The following FAM163A variants were observed in gnomAD, a reference collection of about 807,000 sequenced individuals.
FAM163A encodes protein FAM163A.
Under a neutral mutation model 12.0 loss-of-function variants are expected in FAM163A, and 7 were observed. The observed-to-expected ratio is 0.58, with a 90% CI of 0.33 to 1.10. The LOEUF (loss-of-function observed/expected upper bound fraction) is 1.10. Among genes scored for constraint, FAM163A ranks in the 50% least tolerant of loss-of-function variants. FAM163A has a pLI of 0.03. For synonymous variants in FAM163A, 101 were observed against 91.0 expected (o/e 1.11, Z -0.62); for missense variants, 202 against 218.6 (o/e 0.92, Z 0.48).
intron 1 of FAM163A, among the ~76,000 whole-genome samples, chr1:179,802,781 T>C (rs1373829906): frequency 6.6e-6 from 1 of 152,188 alleles, no homozygotes; most frequent in African/African-American, 2.4e-5. Context: ...TGATAGCTCA[T>C]TGTGGCTTCA....
At chr1:179,730,329 C>G in the FAM163A span, 1 of 152,186 alleles carries the variant, frequency 6.6e-6, no homozygotes, top group East Asian at 1.9e-4. Flanking sequence ...CGATCCCCAC[C>G]CAAGGAAGCA....
chr1:179,745,441 C>T (rs1181515218), intron 1 of FAM163A, among the ~76,000 whole-genome samples: 3 of 152,136 alleles, frequency 2.0e-5, no homozygotes, highest in African/African-American at 7.2e-5. Context: ...GAGCCTGGCC[C>T]CAGCACAGTC....
chr1:179,783,854 T>A (rs1381607754), intron 1 of FAM163A, among the ~76,000 whole-genome samples: 3 of 143,196 alleles, frequency 2.1e-5, no homozygotes, highest in Non-Finnish European at 4.5e-5. Flanking sequence ...TAATTTTATA[T>A]AAATTTATAT....
chr1:179,790,522 G>C (rs1291986788), intron 1 of FAM163A, among the ~76,000 whole-genome samples: 2 of 152,092 alleles, frequency 1.3e-5, no homozygotes, highest in East Asian at 1.9e-4. Context: ...GCAGATACAG[G>C]CTGGATAAAC....
the FAM163A span, among the ~76,000 whole-genome samples, chr1:179,735,495 C>CTTCTTT: frequency 1.6e-5 from 1 of 62,136 alleles, no homozygotes; most frequent in Admixed American, 2.3e-4. Context: ...GAGTTACATT[C>CTTCTTT]TTTTTTTTTT....
rs139338752 is a variant in FAM163A at position 179,796,334 on chromosome 1, T to G, written c.-135-11464T>G. Among the ~76,000 whole-genome samples, 3 of 152,266 alleles carry G rather than the reference T, an allele frequency of 2.0e-5. No individual in the cohort carries two copies. The East Asian group carries it at 5.8e-4, about 29-fold the overall frequency. On this transcript the variant is annotated intron_variant, in intron 1 of 4. Coordinates refer to ENST00000341785, the MANE Select transcript of FAM163A (RefSeq NM_173509.3). ...TACAACTCACAAAAGAAAAAAAAAG[T>G]TACCCTGTGGGCTCCATCTCTTCAA...
intron 1 of FAM163A, among the ~76,000 whole-genome samples, chr1:179,744,942 G>A (rs1684254530): frequency 6.6e-6 from 1 of 152,238 alleles, no homozygotes; most frequent in Non-Finnish European, 1.5e-5. Flanking sequence ...TGGAGTCTGT[G>A]TCCTGAGGGG....
rs1345141303 is a variant in FAM163A at position 179,783,731 on chromosome 1, T to C, written c.-135-24067T>C. Among the ~76,000 whole-genome samples, 4 of 95,356 alleles carry C rather than the reference T, an allele frequency of 4.2e-5. 1 individual carries two copies. Among genetic ancestry groups the C allele is most frequent in the Non-Finnish European group, 8.3e-5 (4 of 47,918 alleles). The allele number at this position is 95,356 out of a possible 152,430, so 62.6% of individuals were successfully genotyped here. A position where few individuals can be genotyped will look rare whatever the true frequency, so the allele number is the denominator to read the frequency against. On this transcript the variant is annotated intron_variant, in intron 1 of 4. Coordinates refer to ENST00000341785, the MANE Select transcript of FAM163A (RefSeq NM_173509.3). ...TTTTTTATACTTCCCAAATTTTATA[T>C]AATTGAGCCCAAATATTATATATAT... is the stretch of plus-strand genomic sequence containing the variant.
upstream of FAM163A, among the ~76,000 whole-genome samples, chr1:179,740,269 C>A (rs1683478628): frequency 6.6e-6 from 1 of 152,148 alleles, no homozygotes; most frequent in African/African-American, 2.4e-5. Context: ...GCCTCCAACT[C>A]CTGGGTTCAA....
intron 1 of FAM163A, among the ~76,000 whole-genome samples, chr1:179,784,201 C>T (rs1262428285): frequency 8.5e-5 from 13 of 152,196 alleles, no homozygotes; most frequent in Admixed American, 7.2e-4. Flanking sequence ...CTTGGGCCTT[C>T]CAGAACCTCC....
chr1:179,780,684 C>G (rs1468228405), intron 1 of FAM163A, among the ~76,000 whole-genome samples: 1 of 152,176 alleles, frequency 6.6e-6, no homozygotes, highest in South Asian at 2.1e-4. Context: ...TTGATACTTG[C>G]TAAAGTTTGT....
At chr1:179,780,628 T>C (rs1689589450) in intron 1 of FAM163A, among the ~76,000 whole-genome samples, 1 of 152,140 alleles carries the variant, frequency 6.6e-6, no homozygotes, top group Admixed American at 6.5e-5. Context: ...ATCAGAAACT[T>C]GGGTGGGGCC....
chr1:179,732,011 A>G, the FAM163A span, among the ~76,000 whole-genome samples: 2 of 152,218 alleles, frequency 1.3e-5, no homozygotes, highest in Non-Finnish European at 2.9e-5. Context: ...AACCCACAGA[A>G]GGTCGCAACC....
Position 179,814,489 on chromosome 1 carries a change from G to A in FAM163A, c.*300G>A. ...CAGCACCACCACAACCCCTTGCAGTGTGCCCCAGTCCCCTGGATTCGCTGG... is the reference window on the plus strand; with the variant it reads ...CAGCACCACCACAACCCCTTGCAGTATGCCCCAGTCCCCTGGATTCGCTGG... On this transcript the variant is annotated 3_prime_UTR_variant, in exon 5 of 5. Coordinates refer to ENST00000341785, the MANE Select transcript of FAM163A (RefSeq NM_173509.3). 2.8e-6 allele frequency: 1 copy of A among 363,040 alleles called. No individual in the cohort carries two copies. 22.5% of individuals were successfully genotyped at this position (363,040 alleles called of 1,614,324 possible). A position where few individuals can be genotyped will look rare whatever the true frequency, so the allele number is the denominator to read the frequency against.
Position 179,768,453 on chromosome 1 carries a change from G to T in FAM163A, c.-136+25030G>T, listed in dbSNP as rs149730883. ...TCTGGCAACAGCATTTAGGGGCTCT[G>T]GTCTAACATGGTGTTAGTGAAAATA... On this transcript the variant is annotated intron_variant, in intron 1 of 4. Transcript: ENST00000341785. Among the ~76,000 whole-genome samples the T allele has an allele frequency of 1.1e-3, 163 of 152,208 alleles. 2 individuals carry two copies. Among genetic ancestry groups the T allele is most frequent in the African/African-American group, 3.1e-3 (128 of 41,520 alleles).
chr1:179,797,651 T>C (rs957784931), intron 1 of FAM163A, among the ~76,000 whole-genome samples: 1 of 152,146 alleles, frequency 6.6e-6, no homozygotes, highest in African/African-American at 2.4e-5. Flanking sequence ...CATTCTACAA[T>C]GTGTACCTAT....
chr1:179,748,855 A>G (rs1388102563), intron 1 of FAM163A, among the ~76,000 whole-genome samples: 5 of 152,244 alleles, frequency 3.3e-5, no homozygotes, highest in African/African-American at 4.8e-5. Flanking sequence ...AGAGTGTTTT[A>G]AAAAGCCTTA....
intron 1 of FAM163A, among the ~76,000 whole-genome samples, chr1:179,786,634 C>T (rs1398685674): frequency 6.6e-6 from 1 of 152,160 alleles, no homozygotes; most frequent in Non-Finnish European, 1.5e-5. Flanking sequence ...CTCAAGACAA[C>T]CCAGTAAGGA....
Position 179,814,417 on chromosome 1 carries a change from T to A in FAM163A, c.*228T>A. On this transcript the variant is annotated 3_prime_UTR_variant, in exon 5 of 5. Coordinates refer to ENST00000341785, the MANE Select transcript of FAM163A (RefSeq NM_173509.3). Reference sequence around the variant, plus strand: ...AGAGGTGGGGGACTGCTAGGTCGAGTCTGCAGCTTCGCCAGTTTCTTGGTT... The same window carrying A: ...AGAGGTGGGGGACTGCTAGGTCGAGACTGCAGCTTCGCCAGTTTCTTGGTT... 1.8e-6 allele frequency: 1 copy of A among 560,284 alleles called. No homozygotes were observed. Among genetic ancestry groups the A allele is most frequent in the Non-Finnish European group, 3.0e-6 (1 of 331,102 alleles). The allele number at this position is 560,284 out of a possible 1,614,324, so 34.7% of individuals were successfully genotyped here.
Sources: allele counts gnomAD v4.1 joint callset (sites outside exome capture counted in the v4.1 genomes callset), GRCh38; gene constraint gnomAD v4.1.1; transcripts MANE v1.5; gene names NCBI Gene and HGNC (gene_info 2026-07-23, HGNC 2026-07-21).